The following DGKB variants were observed in gnomAD, a reference collection of about 807,000 sequenced individuals.
The protein encoded by DGKB is diacylglycerol kinase beta, also known as 90 kDa diacylglycerol kinase.
Under a neutral mutation model 114.3 loss-of-function variants are expected in DGKB, and 67 were observed. The ratio of observed to expected loss-of-function variants is 0.59; its 90% CI spans 0.48 to 0.72. The LOEUF (loss-of-function observed/expected upper bound fraction) is 0.72. Among genes scored for constraint, DGKB ranks in the 30% least tolerant of loss-of-function variants. The pLI is 0.00. For missense variants in DGKB, 907 were observed against 975.2 expected (o/e 0.93, Z 0.93); for synonymous variants, 398 against 323.1 (o/e 1.23, Z -2.49).
intron 1 of DGKB, among the ~76,000 whole-genome samples, chr7:14,900,157 A>G (rs970705649): frequency 1.3e-5 from 2 of 152,178 alleles, no homozygotes; most frequent in African/African-American, 4.8e-5. Flanking sequence ...ATCCAGGGCT[A>G]TCAAGTAGTT....
intron 23 of DGKB, among the ~76,000 whole-genome samples, chr7:14,273,941 C>T (rs116781531): frequency 3.4e-3 from 521 of 152,278 alleles, no homozygotes; most frequent in African/African-American, 0.012. Flanking sequence ...ACAAACTTTA[C>T]TTCAGGAATT....
At chr7:14,715,444 T>C (rs1457584634) in intron 6 of DGKB, among the ~76,000 whole-genome samples, 7 of 152,108 alleles carry the variant, frequency 4.6e-5, no homozygotes, top group Admixed American at 4.6e-4. Context: ...CCTGAGACCA[T>C]GTCCTTGTTC....
chr7:14,787,532 G>C (rs1040377213), intron 2 of DGKB, among the ~76,000 whole-genome samples: 15 of 152,104 alleles, frequency 9.9e-5, no homozygotes, highest in African/African-American at 3.6e-4. Context: ...CACTGACAGA[G>C]GCCAAGAAGA....
chr7:14,570,369 C>A (rs1385173689), intron 20 of DGKB, among the ~76,000 whole-genome samples: 2 of 151,796 alleles, frequency 1.3e-5, no homozygotes, highest in South Asian at 4.2e-4. Flanking sequence ...CTTTTTCAAA[C>A]ACCTTGACTT....
At chr7:14,565,469 T>C (rs1216937112) in intron 20 of DGKB, among the ~76,000 whole-genome samples, 1 of 152,114 alleles carries the variant, frequency 6.6e-6, no homozygotes, top group African/African-American at 2.4e-5. Context: ...GACTCCAAAT[T>C]CTCCCTAAGT....
intron 1 of DGKB, among the ~76,000 whole-genome samples, chr7:14,914,076 G>A (rs1784121355): frequency 6.6e-6 from 1 of 152,158 alleles, no homozygotes; most frequent in African/African-American, 2.4e-5. Context: ...AAAAGTAATT[G>A]TTTTAAAATA....
At chr7:14,577,084 G>T (rs991111484) in intron 19 of DGKB, among the ~76,000 whole-genome samples, 2 of 151,934 alleles carry the variant, frequency 1.3e-5, no homozygotes, top group Non-Finnish European at 2.9e-5. Context: ...TTTTAAAAAA[G>T]ACAAATCAAA....
chr7:14,695,495 T>TCTCTCTCTCTCTTTATTTA (rs1491095073), intron 8 of DGKB, among the ~76,000 whole-genome samples: 2 of 59,602 alleles, frequency 3.4e-5, no homozygotes, highest in African/African-American at 1.5e-4. Context: ...TCTCTCTCTC[T>TCTCTCTCTCTCTTTATTTA]TTTTTTTTTT....
rs541533701 is a variant in DGKB at position 14,672,811 on chromosome 7, G to C, written c.1134+118C>G. The C allele has an allele frequency of 2.0e-4, 107 of 524,758 alleles. 4 individuals are homozygous for C. In the South Asian group the frequency reaches 4.3e-3, roughly 21 times the overall value. The allele number at this position is 524,758 out of a possible 1,614,324, so 32.5% of individuals were successfully genotyped here. A position where few individuals can be genotyped will look rare whatever the true frequency, so the allele number is the denominator to read the frequency against. On this transcript the variant is annotated intron_variant, in intron 13 of 25. Transcript: ENST00000402815. ...TGTTTCAGAGTAACGACGTATTTTAGATCTATATACTTCTACCTTGATTGA... is the reference window on the plus strand; with the variant it reads ...TGTTTCAGAGTAACGACGTATTTTACATCTATATACTTCTACCTTGATTGA...
In DGKB at chr7:14,750,793, C is replaced by CTTTTTTTTTTTTTTTTTT. The variant is rs1016534410; in HGVS notation, c.168+3117_168+3134dup. On this transcript the variant is annotated intron_variant, in intron 4 of 25. Transcript: ENST00000402815. ...TCCCTTGAAAAAGCTATTTCTATTTCTTTTTTTTTTTTTTTTTTTTTTTCT... is the reference window on the plus strand; with the variant it reads ...TCCCTTGAAAAAGCTATTTCTATTTCTTTTTTTTTTTTTTTTTTTTTTTTTTTTTTTTTTTTTTTTTCT... Among the ~76,000 whole-genome samples the CTTTTTTTTTTTTTTTTTT allele has an allele frequency of 8.9e-5, 8 of 89,564 alleles. 1 individual carries two copies. The highest frequency in any genetic ancestry group is 7.3e-4 in the East Asian group (2 of 2,722). The allele number at this position is 89,564 out of a possible 152,430, so 58.8% of individuals were successfully genotyped here.
chr7:14,364,150 GA>G (rs879435126), intron 21 of DGKB, among the ~76,000 whole-genome samples: 1 of 151,792 alleles, frequency 6.6e-6, no homozygotes, highest in Admixed American at 6.6e-5. Flanking sequence ...TGTGCCAAGT[GA>G]AAAAATAACA....
intron 21 of DGKB, among the ~76,000 whole-genome samples, chr7:14,451,093 A>T (rs1164213714): frequency 6.6e-6 from 1 of 151,936 alleles, no homozygotes; most frequent in Non-Finnish European, 1.5e-5. Context: ...GGGAGACAGA[A>T]TCTTCCCCTA....
intron 25 of DGKB, among the ~76,000 whole-genome samples, chr7:14,172,510 T>A (rs1562528912): frequency 6.6e-6 from 1 of 152,034 alleles, no homozygotes; most frequent in East Asian, 1.9e-4. Context: ...GATTTGAGGG[T>A]ATATAGAGAA....
intron 21 of DGKB, among the ~76,000 whole-genome samples, chr7:14,385,746 T>G (rs540875197): frequency 5.3e-5 from 8 of 152,208 alleles, no homozygotes; most frequent in Non-Finnish European, 1.2e-4. Context: ...ACTGGTGATA[T>G]ATGAATGTAA....
intron 6 of DGKB, among the ~76,000 whole-genome samples, chr7:14,715,620 C>A (rs1828057510): frequency 6.6e-6 from 1 of 152,038 alleles, no homozygotes; most frequent in Non-Finnish European, 1.5e-5. Context: ...ACGGGAAGGT[C>A]CTCAGAGAGA....
At chr7:14,822,856 C>T (rs1274151296) in intron 2 of DGKB, among the ~76,000 whole-genome samples, 3 of 152,072 alleles carry the variant, frequency 2.0e-5, no homozygotes, top group Non-Finnish European at 4.4e-5. Context: ...ACTTGAACTT[C>T]TGATTATGAC....
chr7:14,194,540 A>G (rs145442862), intron 23 of DGKB, among the ~76,000 whole-genome samples: 110 of 152,290 alleles, frequency 7.2e-4, no homozygotes, highest in Non-Finnish European at 1.3e-3. Context: ...TCTGGTACAT[A>G]AATGGATTAA....
intron 2 of DGKB, among the ~76,000 whole-genome samples, chr7:14,840,796 C>T (rs1299673242): frequency 1.3e-5 from 2 of 151,864 alleles, no homozygotes; most frequent in East Asian, 3.9e-4. Context: ...CATACTGTCT[C>T]AAGCACAGCA....
At chr7:14,735,583 C>T (rs1183243373) in intron 5 of DGKB, among the ~76,000 whole-genome samples, 1 of 152,134 alleles carries the variant, frequency 6.6e-6, no homozygotes, top group East Asian at 1.9e-4. Flanking sequence ...TACGGTGACA[C>T]AAATTTACAG....
Sources: allele counts gnomAD v4.1 joint callset (sites outside exome capture counted in the v4.1 genomes callset), GRCh38; gene constraint gnomAD v4.1.1; transcripts MANE v1.5; gene names NCBI Gene and HGNC (gene_info 2026-07-23, HGNC 2026-07-21).